Variants in CD300LG observed in about 807,000 individuals in gnomAD.
CD300LG encodes CMRF35-like molecule 9.
Under a neutral mutation model 31.5 loss-of-function variants are expected in CD300LG, and 29 were observed. The ratio of observed to expected loss-of-function variants is 0.92; its 90% confidence interval spans 0.68 to 1.25. The LOEUF (loss-of-function observed/expected upper bound fraction) is 1.25, where lower values mean the gene tolerates loss of function less well. CD300LG is among the 50% of genes most tolerant of loss of function. CD300LG has a pLI of 0.00. For synonymous variants in CD300LG, 175 were observed against 177.2 expected (o/e 0.99, Z 0.10); for missense variants, 396 against 417.6 (o/e 0.95, Z 0.45).
chr17:43,855,834 A>C (rs964959025), intron 5 of CD300LG: 3 of 152,528 alleles, frequency 2.0e-5, no homozygotes, highest in African/African-American at 4.8e-5. Flanking sequence ...ACAGATATAC[A>C]TCAAACAGAA....
intron 6 of CD300LG, among the ~76,000 whole-genome samples, chr17:43,860,748 C>G (rs2046635944): frequency 6.6e-6 from 1 of 152,228 alleles, no homozygotes. Flanking sequence ...TGTCTCTTGG[C>G]CTGTTACAAA....
rs766981228 is a variant in CD300LG, at chr17:43,860,717, C to T, written c.886-1081C>T. Among the ~76,000 whole-genome samples, 28 of 152,380 alleles carry T rather than the reference C, an allele frequency of 1.8e-4. No homozygotes were observed. In the South Asian group the frequency reaches 2.3e-3, roughly 12 times the overall value. ...ATGTGTCCCTTGTTATTCGACGAAT[C>T]TTTGGCGTGTCCAACTTTGCTGTCT... On this transcript the variant is annotated intron_variant, in intron 6 of 6. Transcript: ENST00000317310.
rs143593752 is a variant in CD300LG, at chr17:43,861,906, G to T, written c.994G>T (p.Ala332Ser). The change falls in exon 7 of 7, where the codon GCG becomes TCG. Residue 332 changes from alanine to serine, a missense_variant. Coordinates refer to ENST00000317310, the MANE Select transcript of CD300LG (RefSeq NM_145273.4). Reference protein sequence around the residue: ...EELGFSKFVSA With the variant: ...EELGFSKFVSS ...GCTGGGCTTCTCGAAGTTTGTCTCAGCGTAGGGCAGGAGGCCCTCCTGGCC... is the reference window on the plus strand; with the variant it reads ...GCTGGGCTTCTCGAAGTTTGTCTCATCGTAGGGCAGGAGGCCCTCCTGGCC... The T allele has an allele frequency of 1.7e-5, 28 of 1,607,068 alleles. No individual in the cohort carries two copies. In the African/African-American group the frequency reaches 3.1e-4, roughly 18 times the overall value.
In CD300LG at chr17:43,857,194, C is replaced by A. The variant is rs374818597; in HGVS notation, c.885+38C>A. ...GCATATGGAAGCCCAAGCTCAGATCCCCTTGGGGCTGGAAGTCAAGATTCC... is the reference window on the plus strand; with the variant it reads ...GCATATGGAAGCCCAAGCTCAGATCACCTTGGGGCTGGAAGTCAAGATTCC... On this transcript the variant is annotated intron_variant, in intron 6 of 6. Transcript: ENST00000317310. 3.1e-6 allele frequency: 5 copies of A among 1,608,252 alleles called. No homozygotes were observed. The African/African-American group carries it at 5.3e-5, about 17-fold the overall frequency.
rs2143424685 is a variant in CD300LG, at chr17:43,861,823, C to T, written c.911C>T (p.Ser304Phe). 4 of 1,611,062 alleles carry T rather than the reference C, an allele frequency of 2.5e-6. No individual in the cohort carries two copies. In the South Asian group the frequency reaches 4.4e-5, roughly 18 times the overall value. The change falls in exon 7 of 7, where the codon TCC (serine) becomes TTC (phenylalanine). Residue 304 changes from serine (S) to phenylalanine (F), a missense_variant. Transcript: ENST00000317310. ...ACTGCGGAGGAAAAGGAAGCCCCTTCCCAGGCCCCTGAGGGGGACGTGATC... is the reference window on the plus strand; with the variant it reads ...ACTGCGGAGGAAAAGGAAGCCCCTTTCCAGGCCCCTGAGGGGGACGTGATC... ...RLTAEEKEAP[S>F]QAPEGDVISM...
At chr17:43,848,021 T>A (rs1567844788) in intron 1 of CD300LG, among the ~76,000 whole-genome samples, 2 of 151,996 alleles carry the variant, frequency 1.3e-5, no homozygotes, top group Non-Finnish European at 2.9e-5. Flanking sequence ...GGCGGACGGA[T>A]CACAAGGTCA....
intron 6 of CD300LG, among the ~76,000 whole-genome samples, chr17:43,860,562 G>A (rs1260529000): frequency 6.6e-6 from 1 of 152,202 alleles, no homozygotes; most frequent in Non-Finnish European, 1.5e-5. Context: ...GGACCCATGG[G>A]AGCAGCCAGG....
At chr17:43,857,662 T>C in intron 6 of CD300LG, 1 of 1,200,546 alleles carries the variant, frequency 8.3e-7, no homozygotes, top group South Asian at 1.3e-5. Context: ...CAAACTCTAG[T>C]GTGCTTTTAC....
intron 6 of CD300LG, 116 bp downstream of exon 6, chr17:43,857,272 C>T (rs1428097574): frequency 6.9e-7 from 1 of 1,444,586 alleles, no homozygotes; most frequent in East Asian, 2.4e-5. Context: ...GACCTAGAGG[C>T]AGCGCTTGCT....
In CD300LG at chr17:43,854,004, G is replaced by A. The variant is rs1260049067; in HGVS notation, c.679G>A (p.Asp227Asn). 6.2e-7 allele frequency: 1 copy of A among 1,614,220 alleles called. No homozygotes were observed. The highest frequency in any genetic ancestry group is 1.6e-4 in the Middle Eastern group (1 of 6,062). ...GCAGCTGGACTCCACCTCAGCAGAGGACACCAGTCCAGCTCTCAGCAGTGG... is the reference window on the plus strand; with the variant it reads ...GCAGCTGGACTCCACCTCAGCAGAGAACACCAGTCCAGCTCTCAGCAGTGG... ...PMQLDSTSAE[D>N]TSPALSSGSS... The change falls in exon 4 of 7, where the codon GAC becomes AAC. Residue 227 changes from aspartate (D) to asparagine (N), a missense_variant. By Grantham distance (23) the Asp-to-Asn change is conservative (BLOSUM62 1). Transcript: ENST00000317310.
chr17:43,856,237 C>G (rs1325850621), intron 5 of CD300LG, among the ~76,000 whole-genome samples: 1 of 152,194 alleles, frequency 6.6e-6, no homozygotes, highest in Non-Finnish European at 1.5e-5. Flanking sequence ...ACTGAGCCAT[C>G]AAAACCCAGT....
At chr17:43,855,689 C>T (rs2046500675) in intron 5 of CD300LG, 1 of 160,530 alleles carries the variant, frequency 6.2e-6, no homozygotes, top group African/African-American at 2.4e-5. Flanking sequence ...ATTGTAACCC[C>T]ACTCCTGCCA....
chr17:43,853,935 C>G lies in CD300LG; in HGVS notation c.610C>G (p.His204Asp). The G allele has an allele frequency of 6.2e-7, 1 of 1,614,148 alleles. No homozygotes were observed. Among genetic ancestry groups the G allele is most frequent in the Non-Finnish European group, 8.5e-7 (1 of 1,179,998 alleles). ...TTCTCAGTACACAGGAACCTCTCCT[C>G]ACCCAGCGACCTCTCCTCCTGCAGG... ...RTSQYTGTSP[H>D]PATSPPAGSS... The change falls in exon 4 of 7, where the codon CAC becomes GAC. Residue 204 changes from histidine (H) to aspartate (D), a missense_variant. Transcript: ENST00000317310.
At chr17:43,858,321 G>A (rs888592158) in intron 6 of CD300LG, 109 of 1,000,680 alleles carry the variant, frequency 1.1e-4, no homozygotes, top group Non-Finnish European at 1.3e-4. Context: ...GGTGCCACTG[G>A]CCACCTCCAA....
rs748769173 is a variant in CD300LG at position 43,847,220 on chromosome 17, C to T, written c.4C>T (p.Arg2Trp). Reference sequence around the variant, plus strand: ...CCCACGGTGTCCAGCGCCCAGAATGCGGCTTCTGGTCCTGCTATGGGGTTG... The same window carrying T: ...CCCACGGTGTCCAGCGCCCAGAATGTGGCTTCTGGTCCTGCTATGGGGTTG... M[R>W]LLVLLWGCLL... is the part of the protein sequence containing the mutation. The change falls in exon 1 of 7, where the codon CGG becomes TGG. Residue 2 changes from arginine (R) to tryptophan (W), a missense_variant. By Grantham distance (101) the Arg-to-Trp change is moderately radical (BLOSUM62 -3). Coordinates refer to ENST00000317310, the MANE Select transcript of CD300LG (RefSeq NM_145273.4). 9.0e-5 allele frequency: 146 copies of T among 1,613,646 alleles called. No individual in the cohort carries two copies. Among genetic ancestry groups the T allele is most frequent in the Non-Finnish European group, 1.2e-4 (142 of 1,179,810 alleles).
Position 43,853,800 on chromosome 17 carries a change from C to T in CD300LG, c.482-7C>T. 1 of 1,610,408 alleles carries T rather than the reference C, an allele frequency of 6.2e-7. No homozygotes were observed. Among genetic ancestry groups the T allele is most frequent in the Non-Finnish European group, 8.5e-7 (1 of 1,177,446 alleles). On this transcript the variant is annotated splice_region_variant and splice_polypyrimidine_tract_variant and intron_variant, in intron 3 of 6. Coordinates refer to ENST00000317310, the MANE Select transcript of CD300LG (RefSeq NM_145273.4). Reference sequence around the variant, plus strand: ...AGGATGCTGAGGCATTGCTTTTGGACTTGTAGCTTCTCCTGGGCTCTACCC... The same window carrying T: ...AGGATGCTGAGGCATTGCTTTTGGATTTGTAGCTTCTCCTGGGCTCTACCC...
intron 6 of CD300LG, chr17:43,858,246 A>G: frequency 9.3e-7 from 1 of 1,071,476 alleles, no homozygotes. Flanking sequence ...GAAGCTCAAC[A>G]GGGCCAAAGG....
At chr17:43,860,013 G>A (rs2046619667) in intron 6 of CD300LG, among the ~76,000 whole-genome samples, 1 of 152,188 alleles carries the variant, frequency 6.6e-6, no homozygotes, top group African/African-American at 2.4e-5. Context: ...TGGGATTACA[G>A]GCAAGAGCCA....
rs114294422 is a variant in CD300LG, at chr17:43,862,107, G to A, written c.*196G>A. ...GTTTGTCAGCCCTGGAGCCCAGAGC[G>A]GTGGCCTTGCTCTTCCGGCTGGAGA... On this transcript the variant is annotated 3_prime_UTR_variant, in exon 7 of 7. Coordinates refer to ENST00000317310, the MANE Select transcript of CD300LG (RefSeq NM_145273.4). The A allele has an allele frequency of 1.2e-3, 556 of 455,402 alleles. 3 individuals are homozygous for A. Among genetic ancestry groups the A allele is most frequent in the African/African-American group, 8.0e-3 (400 of 49,726 alleles). 28.2% of individuals were successfully genotyped at this position (455,402 alleles called of 1,614,324 possible). A position where few individuals can be genotyped will look rare whatever the true frequency, so the allele number is the denominator to read the frequency against.
Sources: gnomAD v4.1 joint callset for allele counts (sites outside exome capture counted in the v4.1 genomes callset) on GRCh38, gnomAD v4.1.1 for gene constraint, MANE v1.5 for transcripts, NCBI Gene and HGNC (gene_info 2026-07-23, HGNC 2026-07-21) for gene names.